ZNF334: variants seen among roughly 807,000 people sequenced by gnomAD.
ZNF334 encodes zinc finger protein 334.
A neutral mutation model predicts 12.4 loss-of-function variants in ZNF334; 14 were observed. The ratio of observed to expected loss-of-function variants is 1.13; its 90% CI spans 0.74 to 1.76. The LOEUF is 1.76. Among genes scored for constraint, ZNF334 ranks in the 40% most tolerant of loss-of-function variants. The pLI is 0.00. For missense variants in ZNF334, 797 were observed against 804.5 expected, an observed-to-expected ratio of 0.99 and a Z score of 0.11; for synonymous variants, 273 against 269.6, an observed-to-expected ratio of 1.01 and a Z score of -0.12.
chr20:46,510,877 T>C (rs1159663396), intron 2 of ZNF334, among the ~76,000 whole-genome samples: 2 of 151,958 alleles, frequency 1.3e-5, no homozygotes, highest in Admixed American at 6.6e-5. Flanking sequence ...AAGTATTATT[T>C]CCATGTTGGA....
the ZNF334 span, among the ~76,000 whole-genome samples, chr20:46,470,151 G>A: frequency 2.0e-5 from 3 of 152,166 alleles, no homozygotes; most frequent in Non-Finnish European, 2.9e-5. Context: ...AGAAACTAGG[G>A]CCAAAGAGGG....
At chr20:46,504,848 A>T in intron 2 of ZNF334, 108 bp from the exon 3 acceptor site, 1 of 990,666 alleles carries the variant, frequency 1.0e-6, no homozygotes. Flanking sequence ...AGCTATAGAG[A>T]GATGTAATTG....
chr20:46,509,045 A>G (rs935519833), intron 2 of ZNF334, among the ~76,000 whole-genome samples: 2 of 152,244 alleles, frequency 1.3e-5, no homozygotes, highest in Non-Finnish European at 2.9e-5. Flanking sequence ...GTCCCATATC[A>G]GTGAGAACTT....
At chr20:46,508,412 G>A (rs1794952776) in intron 2 of ZNF334, among the ~76,000 whole-genome samples, 1 of 152,206 alleles carries the variant, frequency 6.6e-6, no homozygotes, top group Non-Finnish European at 1.5e-5. Context: ...ATAGTCTGTG[G>A]ACAAAGAATA....
chr20:46,504,137 G>A (rs1306543540), intron 4 of ZNF334, 77 bp downstream of exon 4: 11 of 980,714 alleles, frequency 1.1e-5, no homozygotes, highest in South Asian at 5.5e-5. Context: ...AAAACATTAC[G>A]ATGCCAACTA....
chr20:46,478,057 T>G, the ZNF334 span, among the ~76,000 whole-genome samples: 1 of 152,228 alleles, frequency 6.6e-6, no homozygotes, highest in South Asian at 2.1e-4. Context: ...CTCTGGTACA[T>G]TCTCTCCTCT....
At chr20:46,480,273 T>TG in the ZNF334 span, among the ~76,000 whole-genome samples, 1 of 152,156 alleles carries the variant, frequency 6.6e-6, no homozygotes, top group Non-Finnish European at 1.5e-5. Context: ...TGGACATGTT[T>TG]GGGGGGCAAT....
the ZNF334 span, among the ~76,000 whole-genome samples, chr20:46,486,181 C>T: frequency 4.6e-5 from 7 of 152,158 alleles, no homozygotes; most frequent in South Asian, 2.1e-4. Context: ...AAGATTCCAT[C>T]GTTATTTTGT....
the ZNF334 span, among the ~76,000 whole-genome samples, chr20:46,483,645 C>G: frequency 6.6e-6 from 1 of 152,160 alleles, no homozygotes; most frequent in East Asian, 1.9e-4. Context: ...TGCAGGTCAT[C>G]TTTTTTAGGC....
chr20:46,482,933 C>T, the ZNF334 span, among the ~76,000 whole-genome samples: 1 of 152,098 alleles, frequency 6.6e-6, no homozygotes, highest in Non-Finnish European at 1.5e-5. Flanking sequence ...CACAATGTTG[C>T]CATGAAGTCT....
chr20:46,472,135 A>G, the ZNF334 span, among the ~76,000 whole-genome samples: 2 of 152,210 alleles, frequency 1.3e-5, no homozygotes, highest in South Asian at 2.1e-4. Context: ...CATAATAGCC[A>G]AAGTCCTCAC....
downstream of ZNF334, among the ~76,000 whole-genome samples, chr20:46,499,126 A>T (rs2061074046): frequency 7.2e-6 from 1 of 139,204 alleles, no homozygotes; most frequent in South Asian, 2.4e-4. Context: ...GTGAGCCGAG[A>T]TCCTGCCACT....
chr20:46,499,613 C>CAAATTTGGCACAA (rs1342991377), downstream of ZNF334: 5 of 152,192 alleles, frequency 3.3e-5, no homozygotes, highest in Admixed American at 6.5e-5. Context: ...TAAATTTAGA[C>CAAATTTGGCACAA]AAATTTGGCA....
intron 2 of ZNF334, among the ~76,000 whole-genome samples, chr20:46,510,124 G>A (rs1601071388): frequency 2.0e-5 from 3 of 152,294 alleles, no homozygotes; most frequent in Non-Finnish European, 2.9e-5. Context: ...TAGCCTTACA[G>A]GTCATACCAA....
At chr20:46,465,081 T>C in the ZNF334 span, 4 of 277,926 alleles carry the variant, frequency 1.4e-5, no homozygotes, top group South Asian at 1.6e-4. Flanking sequence ...GTTATGTCCT[T>C]CCTTACAAAT....
intron 4 of ZNF334, among the ~76,000 whole-genome samples, chr20:46,503,340 A>G (rs1473141005): frequency 6.6e-6 from 1 of 152,256 alleles, no homozygotes; most frequent in Non-Finnish European, 1.5e-5. Context: ...GGAAGAGGAA[A>G]CTAGCAAAGA....
the ZNF334 span, among the ~76,000 whole-genome samples, chr20:46,487,225 C>T: frequency 0.14 from 21,795 of 152,014 alleles, 1,843 homozygotes; most frequent in East Asian, 0.24. Flanking sequence ...ATCAGCATTA[C>T]GGGTTTAAAA....
rs1258979508 is a variant in ZNF334, at chr20:46,500,526, A to G, written c.*770T>C. On this transcript the variant is annotated 3_prime_UTR_variant, in exon 5 of 5. Coordinates refer to ENST00000692313, the MANE Select transcript of ZNF334 (RefSeq NM_001353824.2). ...GGATATTACAGAATACTAAAACCAG[A>G]GAAATAAACACTTTTTGGATTCAAC... is the stretch of plus-strand genomic sequence containing the variant. The G allele has an allele frequency of 6.6e-6, 1 of 152,220 alleles. No individual in the cohort carries two copies. Among genetic ancestry groups the G allele is most frequent in the Non-Finnish European group, 1.5e-5 (1 of 68,036 alleles). The allele number at this position is 152,220 out of a possible 1,614,324, so 9.4% of individuals were successfully genotyped here.
chr20:46,486,939 T>C, the ZNF334 span, among the ~76,000 whole-genome samples: 4 of 152,330 alleles, frequency 2.6e-5, no homozygotes, highest in Non-Finnish European at 5.9e-5. Context: ...CTTTTTTGAA[T>C]TGCTTCTTCA....
Sources: allele counts gnomAD v4.1 joint callset (sites outside exome capture counted in the v4.1 genomes callset), GRCh38; gene constraint gnomAD v4.1.1; transcripts MANE v1.5; gene names NCBI Gene and HGNC (gene_info 2026-07-23, HGNC 2026-07-21).